The following INPP4B variants were observed in gnomAD, a reference collection of about 807,000 sequenced individuals.
INPP4B encodes the protein inositol polyphosphate-4-phosphatase type II B.
INPP4B carries 55 observed loss-of-function variants against 122.5 expected under a neutral mutation model. That is an observed-to-expected ratio of 0.45 (90% CI 0.36 to 0.56). The LOEUF is 0.56. Ranked by LOEUF, INPP4B falls within the 20% of genes least tolerant of loss-of-function variation. The probability of loss-of-function intolerance (pLI) is 0.00; values close to 1 mark genes in which losing one functional copy is unlikely to be tolerated. For missense variants in INPP4B, 1,000 were observed against 1,097.7 expected, an observed-to-expected ratio of 0.91 and a Z score of 1.26; for synonymous variants, 403 against 388.7, an observed-to-expected ratio of 1.04 and a Z score of -0.43.
At chr4:142,078,761 T>C (rs1311128858) in intron 25 of INPP4B, among the ~76,000 whole-genome samples, 1 of 152,028 alleles carries the variant, frequency 6.6e-6, no homozygotes, top group East Asian at 1.9e-4. Context: ...TATGATAACC[T>C]TGGCGAACTT....
intron 3 of INPP4B, among the ~76,000 whole-genome samples, chr4:142,455,446 T>C (rs1391988042): frequency 6.6e-6 from 1 of 152,072 alleles, no homozygotes; most frequent in Non-Finnish European, 1.5e-5. Flanking sequence ...TGATTTCACT[T>C]AACATAATGA....
In INPP4B at chr4:142,288,023, A is replaced by T. The variant is rs192269403; in HGVS notation, c.504-17249T>A. ...GGTATCCCTTCTTATAAGAGCACTA[A>T]TCCCACCATGAGGGCCTCACACTCA... On this transcript the variant is annotated intron_variant, in intron 9 of 25. Transcript: ENST00000262992. 5.9e-5 allele frequency among the ~76,000 whole-genome samples: 9 copies of T among 152,178 alleles called. No homozygotes were observed. The East Asian group carries it at 1.8e-3, about 30-fold the overall frequency.
chr4:142,683,767 C>A (rs915175593), intron 2 of INPP4B, among the ~76,000 whole-genome samples: 1 of 151,688 alleles, frequency 6.6e-6, no homozygotes, highest in Non-Finnish European at 1.5e-5. Flanking sequence ...TGTAAACAAG[C>A]CAGTAAGTCT....
chr4:142,113,626 G>A (rs1454133986), intron 21 of INPP4B, among the ~76,000 whole-genome samples: 3 of 151,892 alleles, frequency 2.0e-5, no homozygotes, highest in African/African-American at 4.8e-5. Context: ...AGCAAGCAGG[G>A]ATGTTAGCAT....
rs561605511 is a variant in INPP4B, at chr4:142,680,426, G to A, written c.-191+45413C>T. ...TTAACTTTGCTTCCAAATCAAAAAG[G>A]CATTTACTTCTCCCTCTAAAATATA... On this transcript the variant is annotated intron_variant, in intron 2 of 25. Transcript: ENST00000262992. 4.0e-5 allele frequency among the ~76,000 whole-genome samples: 6 copies of A among 151,720 alleles called. No homozygotes were observed. In the East Asian group the frequency reaches 1.2e-3, roughly 30 times the overall value.
At chr4:142,669,903 C>T (rs1756739807) in intron 2 of INPP4B, among the ~76,000 whole-genome samples, 1 of 152,156 alleles carries the variant, frequency 6.6e-6, no homozygotes, top group Admixed American at 6.5e-5. Flanking sequence ...TAAATTAGTA[C>T]AGCCTTTACT....
chr4:142,145,703 C>A, intron 18 of INPP4B, 137 bp downstream of exon 18: 1 of 794,460 alleles, frequency 1.3e-6, no homozygotes, highest in Non-Finnish European at 2.0e-6. Context: ...TCATCCAAGC[C>A]AGAGCAGTGG....
intron 7 of INPP4B, among the ~76,000 whole-genome samples, chr4:142,395,419 G>T (rs1341447574): frequency 1.3e-5 from 2 of 152,260 alleles, no homozygotes; most frequent in South Asian, 4.1e-4. Context: ...AAAAATAATA[G>T]TTTTTGTTTA....
intron 2 of INPP4B, among the ~76,000 whole-genome samples, chr4:142,684,044 T>C (rs898137388): frequency 3.9e-5 from 6 of 151,960 alleles, no homozygotes; most frequent in Non-Finnish European, 1.5e-5. Context: ...AGTGGATATA[T>C]GGAGATGAAA....
At chr4:142,033,390 G>A (rs571644624) in intron 25 of INPP4B, among the ~76,000 whole-genome samples, 1 of 152,288 alleles carries the variant, frequency 6.6e-6, no homozygotes, top group Admixed American at 6.5e-5. Flanking sequence ...GGTCAAGGCA[G>A]GGTTGGAAGG....
chr4:142,656,126 C>G lies in INPP4B; in HGVS notation c.-191+69713G>C, dbSNP rs114874790. On this transcript the variant is annotated intron_variant, in intron 2 of 25. Coordinates refer to ENST00000262992, the MANE Select transcript of INPP4B (RefSeq NM_001101669.3). ...CACACCATTTGCAGCAGGGAGGAGCCTGGCCCCTCTGCTTCCTGTGTGGAC... is the reference window on the plus strand; with the variant it reads ...CACACCATTTGCAGCAGGGAGGAGCGTGGCCCCTCTGCTTCCTGTGTGGAC... Among the ~76,000 whole-genome samples the G allele has an allele frequency of 8.9e-3, 1,349 of 152,282 alleles. 25 individuals carry two copies. Among genetic ancestry groups the G allele is most frequent in the African/African-American group, 0.031 (1,279 of 41,558 alleles).
chr4:142,516,213 T>C (rs1442423855), intron 2 of INPP4B, among the ~76,000 whole-genome samples: 1 of 152,130 alleles, frequency 6.6e-6, no homozygotes, highest in East Asian at 1.9e-4. Context: ...TACTGCAAAC[T>C]GGATATTTAA....
intron 23 of INPP4B, among the ~76,000 whole-genome samples, chr4:142,098,142 G>C (rs1041328027): frequency 6.6e-6 from 1 of 152,064 alleles, no homozygotes; most frequent in Non-Finnish European, 1.5e-5. Flanking sequence ...CTATAAGGGG[G>C]AAGGCATTTA....
intron 12 of INPP4B, among the ~76,000 whole-genome samples, chr4:142,216,258 C>A (rs377263394): frequency 6.6e-6 from 1 of 152,180 alleles, no homozygotes; most frequent in South Asian, 2.1e-4. Flanking sequence ...ATCTTCTAAC[C>A]TGTCTCTAGC....
intron 2 of INPP4B, among the ~76,000 whole-genome samples, chr4:142,463,009 G>C (rs1015771187): frequency 6.6e-6 from 1 of 152,158 alleles, no homozygotes; most frequent in African/African-American, 2.4e-5. Flanking sequence ...ACTATATTAA[G>C]TTACATGGAT....
At chr4:142,613,908 GT>G (rs1298677911) in intron 2 of INPP4B, among the ~76,000 whole-genome samples, 2 of 152,146 alleles carry the variant, frequency 1.3e-5, no homozygotes, top group African/African-American at 4.8e-5. Flanking sequence ...GAAAGGGTTT[GT>G]TGTATTAAGA....
At chr4:142,251,922 A>G (rs1732315377) in intron 11 of INPP4B, among the ~76,000 whole-genome samples, 1 of 152,206 alleles carries the variant, frequency 6.6e-6, no homozygotes, top group Non-Finnish European at 1.5e-5. Context: ...AGGGCTAGAA[A>G]AAAGAGTAAG....
At chr4:142,136,317 G>C (rs1025912896) in intron 18 of INPP4B, among the ~76,000 whole-genome samples, 18 of 152,214 alleles carry the variant, frequency 1.2e-4, no homozygotes, top group African/African-American at 4.1e-4. Context: ...AGCCTCCAAG[G>C]CCCGGGTACA....
At chr4:142,453,246 A>C (rs549648565) in intron 3 of INPP4B, among the ~76,000 whole-genome samples, 121 of 152,328 alleles carry the variant, frequency 7.9e-4, no homozygotes, top group Non-Finnish European at 1.5e-3. Context: ...GCACACAGCC[A>C]TACACATGTA....
Sources: allele counts gnomAD v4.1 joint callset (sites outside exome capture counted in the v4.1 genomes callset), GRCh38; gene constraint gnomAD v4.1.1; transcripts MANE v1.5; gene names NCBI Gene and HGNC (gene_info 2026-07-23, HGNC 2026-07-21).